RCAN2: variants seen among roughly 807,000 people sequenced by gnomAD.
RCAN2 encodes regulator of calcineurin 2, also known as calcipressin-2.
Under a neutral mutation model 23.6 loss-of-function variants are expected in RCAN2, and 9 were observed. That is an observed-to-expected ratio of 0.38 (90% confidence interval 0.23 to 0.67). RCAN2 has a LOEUF of 0.67. RCAN2 is among the 30% of genes least tolerant of loss of function. RCAN2 has a pLI of 0.51. For missense variants in RCAN2, 273 were observed against 302.3 expected (o/e 0.90, Z 0.72); for synonymous variants, 109 against 115.7 (o/e 0.94, Z 0.37).
chr6:46,368,262 T>G (rs1372209576), intron 2 of RCAN2, among the ~76,000 whole-genome samples: 3 of 152,224 alleles, frequency 2.0e-5, no homozygotes, highest in African/African-American at 7.2e-5. Flanking sequence ...TGTTTCAGTT[T>G]TAAAATGTTA....
intron 2 of RCAN2, among the ~76,000 whole-genome samples, chr6:46,308,689 C>A (rs1763147140): frequency 6.6e-6 from 1 of 152,066 alleles, no homozygotes; most frequent in African/African-American, 2.4e-5. Context: ...GAGAAGAAGA[C>A]CTGGAAATGT....
intron 4 of RCAN2, among the ~76,000 whole-genome samples, chr6:46,223,550 C>T (rs984727223): frequency 6.6e-6 from 1 of 152,154 alleles, no homozygotes; most frequent in Non-Finnish European, 1.5e-5. Flanking sequence ...CATCCTTTAC[C>T]GTAAATTTCA....
chr6:46,309,402 C>T (rs1265469603), intron 2 of RCAN2, among the ~76,000 whole-genome samples: 2 of 152,178 alleles, frequency 1.3e-5, no homozygotes, highest in African/African-American at 2.4e-5. Flanking sequence ...AAAAAGGAGA[C>T]ATGGTTGTTT....
intron 1 of RCAN2, among the ~76,000 whole-genome samples, chr6:46,458,611 A>G (rs1429055042): frequency 6.6e-6 from 1 of 152,118 alleles, no homozygotes; most frequent in Non-Finnish European, 1.5e-5. Flanking sequence ...AATATGGTAC[A>G]TGTTTTATTA....
chr6:46,391,978 G>A (rs139550869), intron 2 of RCAN2, among the ~76,000 whole-genome samples: 2,602 of 152,306 alleles, frequency 0.017, 54 homozygotes, highest in South Asian at 0.12. Context: ...AAATCAGGAT[G>A]AGCTGTAGAG....
At chr6:46,255,178 C>T (rs746102931) in intron 2 of RCAN2, among the ~76,000 whole-genome samples, 1 of 152,158 alleles carries the variant, frequency 6.6e-6, no homozygotes, top group Non-Finnish European at 1.5e-5. Context: ...AATATAATTA[C>T]ACCATTTCCC....
chr6:46,234,986 T>C (rs1766042412), intron 4 of RCAN2, among the ~76,000 whole-genome samples: 1 of 152,202 alleles, frequency 6.6e-6, no homozygotes, highest in African/African-American at 2.4e-5. Context: ...ACAACCTCAC[T>C]TGCCACAATT....
chr6:46,388,533 G>A (rs527345360), intron 2 of RCAN2, among the ~76,000 whole-genome samples: 1 of 152,226 alleles, frequency 6.6e-6, no homozygotes, highest in South Asian at 2.1e-4. Flanking sequence ...CAATAGCAAA[G>A]ACATGCAATC....
intron 2 of RCAN2, among the ~76,000 whole-genome samples, chr6:46,292,244 A>T (rs1210835040): frequency 1.3e-5 from 2 of 152,162 alleles, no homozygotes; most frequent in Non-Finnish European, 2.9e-5. Flanking sequence ...TACTTGAGAG[A>T]TTAGTTGGCC....
At chr6:46,257,612 T>C (rs1766961706) in intron 2 of RCAN2, among the ~76,000 whole-genome samples, 1 of 152,086 alleles carries the variant, frequency 6.6e-6, no homozygotes, top group South Asian at 2.1e-4. Flanking sequence ...CTCACTATCA[T>C]GAGAACAGCA....
At chr6:46,373,772 C>T (rs75368396) in intron 2 of RCAN2, among the ~76,000 whole-genome samples, 4,016 of 152,190 alleles carry the variant, frequency 0.026, 174 homozygotes, top group African/African-American at 0.087. Flanking sequence ...AGACTTTTGA[C>T]GTATGAGAAG....
At chr6:46,365,347 G>A (rs1484874583) in intron 2 of RCAN2, among the ~76,000 whole-genome samples, 2 of 151,934 alleles carry the variant, frequency 1.3e-5, no homozygotes, top group East Asian at 1.9e-4. Context: ...GTGGTGGTGG[G>A]CACCTGTAAC....
At chr6:46,346,594 T>G (rs1286547859) in intron 2 of RCAN2, among the ~76,000 whole-genome samples, 1 of 152,112 alleles carries the variant, frequency 6.6e-6, no homozygotes, top group Non-Finnish European at 1.5e-5. Flanking sequence ...AAGTAGGTTC[T>G]TAAAGGAATT....
chr6:46,318,391 A>T (rs1427458758), intron 2 of RCAN2, among the ~76,000 whole-genome samples: 2 of 152,248 alleles, frequency 1.3e-5, no homozygotes, highest in Admixed American at 6.5e-5. Flanking sequence ...TTTTTGAAAC[A>T]TTAAAAAAAA....
intron 2 of RCAN2, among the ~76,000 whole-genome samples, chr6:46,254,041 G>A (rs1330249713): frequency 6.6e-6 from 1 of 152,190 alleles, no homozygotes; most frequent in African/African-American, 2.4e-5. Flanking sequence ...CTGAGGTTAA[G>A]CGACACATGA....
intron 2 of RCAN2, among the ~76,000 whole-genome samples, chr6:46,313,684 T>C (rs1048822879): frequency 3.3e-5 from 5 of 152,180 alleles, no homozygotes; most frequent in African/African-American, 1.2e-4. Flanking sequence ...AACTTGTATC[T>C]CTCCTCTATT....
At chr6:46,443,371 G>A (rs1527707) in intron 2 of RCAN2, among the ~76,000 whole-genome samples, 24,078 of 151,980 alleles carry the variant, frequency 0.16, 2,567 homozygotes, top group Non-Finnish European at 0.24. Flanking sequence ...GATCCCTAGC[G>A]TGAATTTTCC....
chr6:46,241,929 T>C (rs1053046912), intron 4 of RCAN2, among the ~76,000 whole-genome samples: 2 of 152,230 alleles, frequency 1.3e-5, no homozygotes, highest in Admixed American at 6.5e-5. Context: ...TTTATTTATT[T>C]TCTAATGTAT....
chr6:46,318,949 G>T (rs940559972), intron 2 of RCAN2, among the ~76,000 whole-genome samples: 4 of 152,048 alleles, frequency 2.6e-5, no homozygotes, highest in African/African-American at 7.2e-5. Flanking sequence ...AGTGGAATGG[G>T]TATATATAAC....
Sources: allele counts gnomAD v4.1 joint callset (sites outside exome capture counted in the v4.1 genomes callset), GRCh38; gene constraint gnomAD v4.1.1; transcripts MANE v1.5; gene names NCBI Gene and HGNC (gene_info 2026-07-23, HGNC 2026-07-21).